The following RAB3C variants were observed in gnomAD, a reference collection of about 807,000 sequenced individuals.
RAB3C encodes the protein RAB3C, member RAS oncogene family, also known as ras-related protein Rab-3C.
Under a neutral mutation model 26.4 loss-of-function variants are expected in RAB3C, and 17 were observed. The ratio of observed to expected loss-of-function variants is 0.64; its 90% CI spans 0.44 to 0.97. The LOEUF is 0.97. RAB3C is among the 50% of genes least tolerant of loss of function. The probability of loss-of-function intolerance (pLI) is 0.00; values close to 1 mark genes in which losing one functional copy is unlikely to be tolerated. For missense variants in RAB3C, 242 were observed against 281.9 expected, an observed-to-expected ratio of 0.86 and a Z score of 1.01; for synonymous variants, 91 against 95.9, an observed-to-expected ratio of 0.95 and a Z score of 0.30.
In RAB3C at chr5:58,852,050, TAAGC is replaced by T. The variant is rs1291700101; in HGVS notation, c.*703_*706del. ...AATAATCTTCGTTTACACATTTAAA[TAAGC>T]AAGTATCTACCCAGGACTGCTTTTT... On this transcript the variant is annotated 3_prime_UTR_variant, in exon 5 of 5. Coordinates refer to ENST00000282878, the MANE Select transcript of RAB3C (RefSeq NM_138453.4). The T allele has an allele frequency of 1.3e-5, 2 of 152,192 alleles. No homozygotes were observed. The allele number at this position is 152,192 out of a possible 1,614,324, so 9.4% of individuals were successfully genotyped here.
At chr5:58,666,803 G>T (rs1748011312) in intron 2 of RAB3C, among the ~76,000 whole-genome samples, 1 of 152,204 alleles carries the variant, frequency 6.6e-6, no homozygotes, top group Admixed American at 6.5e-5. Flanking sequence ...TTATATGGGA[G>T]TTGACTCAGA....
chr5:58,663,421 T>C (rs1330689706), intron 2 of RAB3C, among the ~76,000 whole-genome samples: 6 of 150,374 alleles, frequency 4.0e-5, no homozygotes, highest in Admixed American at 3.9e-4. Context: ...TAAACACATT[T>C]CAAAAAGTGA....
chr5:58,749,137 AT>A (rs1296578643), intron 3 of RAB3C, among the ~76,000 whole-genome samples: 2 of 145,358 alleles, frequency 1.4e-5, no homozygotes, highest in Non-Finnish European at 3.0e-5. Flanking sequence ...CTCCTAATAT[AT>A]TTTATGAGTA....
intron 2 of RAB3C, among the ~76,000 whole-genome samples, chr5:58,700,523 G>C (rs1748819896): frequency 6.6e-6 from 1 of 152,128 alleles, no homozygotes; most frequent in South Asian, 2.1e-4. Flanking sequence ...TAATGGATAA[G>C]CTTGAGAATG....
At chr5:58,583,905 G>T (rs1406256518) in intron 1 of RAB3C, among the ~76,000 whole-genome samples, 1 of 152,140 alleles carries the variant, frequency 6.6e-6, no homozygotes, top group Non-Finnish European at 1.5e-5. Flanking sequence ...CACATTCTTA[G>T]GTTTGTTTCC....
rs1230653351 is a variant in RAB3C at position 58,858,658 on chromosome 5, C to T, written c.*7307C>T. On this transcript the variant is annotated 3_prime_UTR_variant, in exon 5 of 5. Transcript: ENST00000282878. ...CCAGGAAAATAAGTGGGAAAGGCCA[C>T]AGTTATGTTTCCTTTGAATGGAAGA... 1 of 152,130 alleles carries T rather than the reference C, an allele frequency of 6.6e-6. No individual in the cohort carries two copies. The highest frequency in any genetic ancestry group is 1.5e-5 in the Non-Finnish European group (1 of 68,034). The allele number at this position is 152,130 out of a possible 1,614,324, so 9.4% of individuals were successfully genotyped here.
intron 2 of RAB3C, among the ~76,000 whole-genome samples, chr5:58,715,681 G>A (rs899543870): frequency 3.3e-5 from 5 of 152,034 alleles, no homozygotes; most frequent in African/African-American, 9.7e-5. Flanking sequence ...CTAGTAAGCG[G>A]ACTATTATAT....
chr5:58,600,734 G>A (rs1421963143), intron 1 of RAB3C, among the ~76,000 whole-genome samples: 1 of 152,074 alleles, frequency 6.6e-6, no homozygotes, highest in Admixed American at 6.6e-5. Context: ...ATCAGTTCTA[G>A]GAGCTTTCTG....
At chr5:58,648,490 T>C (rs1182244822) in intron 2 of RAB3C, among the ~76,000 whole-genome samples, 1 of 152,152 alleles carries the variant, frequency 6.6e-6, no homozygotes, top group Non-Finnish European at 1.5e-5. Context: ...TTCTGTAACG[T>C]AAAGGGAAAT....
chr5:58,836,139 T>G lies in RAB3C; in HGVS notation c.496+10977T>G, dbSNP rs533817343. 3.9e-5 allele frequency among the ~76,000 whole-genome samples: 6 copies of G among 152,330 alleles called. No homozygotes were observed. In the East Asian group the frequency reaches 1.2e-3, roughly 29 times the overall value. The stretch of plus-strand genomic sequence containing the variant: ...CTGTTAGACAATCAGTGTATCCTTT[T>G]ATCAATAGAAAAAATACCCTTAGAA... On this transcript the variant is annotated intron_variant, in intron 4 of 4. Transcript: ENST00000282878.
chr5:58,742,217 C>T (rs1425097706), intron 3 of RAB3C, among the ~76,000 whole-genome samples: 3 of 152,100 alleles, frequency 2.0e-5, no homozygotes, highest in African/African-American at 7.2e-5. Context: ...TTCTTTTGCC[C>T]TTATTGGCTC....
intron 3 of RAB3C, among the ~76,000 whole-genome samples, chr5:58,752,258 T>G (rs1454926277): frequency 2.6e-5 from 4 of 152,142 alleles, no homozygotes; most frequent in Non-Finnish European, 4.4e-5. Context: ...AAATACTACT[T>G]CTATAATTTA....
At chr5:58,651,664 C>T (rs969279881) in intron 2 of RAB3C, among the ~76,000 whole-genome samples, 3 of 152,100 alleles carry the variant, frequency 2.0e-5, no homozygotes, top group African/African-American at 7.2e-5. Context: ...CAACAAACAT[C>T]GTTTAGCACC....
intron 2 of RAB3C, among the ~76,000 whole-genome samples, chr5:58,628,025 C>T (rs2111742230): frequency 6.6e-6 from 1 of 151,786 alleles, no homozygotes; most frequent in African/African-American, 2.4e-5. Flanking sequence ...GGCGTGGTGG[C>T]AGGCGCCTGT....
intron 2 of RAB3C, among the ~76,000 whole-genome samples, chr5:58,625,508 C>T (rs148138787): frequency 2.0e-5 from 3 of 152,204 alleles, no homozygotes; most frequent in African/African-American, 7.2e-5. Flanking sequence ...TCTAGTCAGC[C>T]CAATTCCTAC....
chr5:58,782,332 C>T (rs750656570), intron 3 of RAB3C, among the ~76,000 whole-genome samples: 19 of 152,064 alleles, frequency 1.2e-4, no homozygotes, highest in African/African-American at 4.6e-4. Context: ...CTTAAACTCC[C>T]GTCAAAAATC....
intron 3 of RAB3C, among the ~76,000 whole-genome samples, chr5:58,816,211 T>C (rs1488610724): frequency 1.3e-5 from 2 of 152,146 alleles, no homozygotes; most frequent in Non-Finnish European, 2.9e-5. Flanking sequence ...AAGTAGTTTA[T>C]GTGGGAAGTG....
chr5:58,815,715 T>G (rs1743201475), intron 3 of RAB3C: 2 of 152,218 alleles, frequency 1.3e-5, no homozygotes, highest in African/African-American at 4.8e-5. Flanking sequence ...TCTCTAATTC[T>G]ACATTACTGT....
At chr5:58,624,303 G>C (rs543264117) in intron 2 of RAB3C, among the ~76,000 whole-genome samples, 7 of 152,308 alleles carry the variant, frequency 4.6e-5, no homozygotes, top group Admixed American at 3.9e-4. Context: ...GACTCGGGAA[G>C]GTTTCCTGGG....
Sources: gnomAD v4.1 joint callset for allele counts (sites outside exome capture counted in the v4.1 genomes callset) on GRCh38, gnomAD v4.1.1 for gene constraint, MANE v1.5 for transcripts, NCBI Gene and HGNC (gene_info 2026-07-23, HGNC 2026-07-21) for gene names.